Variants in PTPRM observed in about 807,000 individuals in gnomAD.
The protein encoded by PTPRM is receptor-type tyrosine-protein phosphatase mu.
Under a neutral mutation model 186.7 loss-of-function variants are expected in PTPRM, and 47 were observed. The observed-to-expected ratio is 0.25, with a 90% CI of 0.20 to 0.32. The LOEUF is 0.32. PTPRM is among the 10% of genes least tolerant of loss of function. PTPRM has a pLI of 1.00. For synonymous variants in PTPRM, 668 were observed against 674.9 expected, an observed-to-expected ratio of 0.99 and a Z score of 0.16; for missense variants, 1,494 against 1,865.0, an observed-to-expected ratio of 0.80 and a Z score of 3.66.
chr18:7,819,460 G>A (rs1026928439), intron 2 of PTPRM, among the ~76,000 whole-genome samples: 7 of 152,342 alleles, frequency 4.6e-5, no homozygotes, highest in South Asian at 2.1e-4. Context: ...GTGGAATGAC[G>A]CAGAATTTGG....
chr18:8,106,933 G>A (rs1358652167), intron 11 of PTPRM, among the ~76,000 whole-genome samples: 1 of 152,120 alleles, frequency 6.6e-6, no homozygotes, highest in Non-Finnish European at 1.5e-5. Context: ...CAGCCCATCT[G>A]GCCCAAAGCA....
At chr18:8,267,164 T>G (rs2094711038) in intron 19 of PTPRM, among the ~76,000 whole-genome samples, 1 of 152,172 alleles carries the variant, frequency 6.6e-6, no homozygotes, top group Non-Finnish European at 1.5e-5. Flanking sequence ...CCTTGCCAAT[T>G]TTATGGCCAA....
intron 23 of PTPRM, among the ~76,000 whole-genome samples, chr18:8,360,584 G>C (rs1401923366): frequency 6.6e-6 from 1 of 152,188 alleles, no homozygotes; most frequent in African/African-American, 2.4e-5. Context: ...AGGAAGCAGA[G>C]GTGAGTTAGC....
intron 23 of PTPRM, among the ~76,000 whole-genome samples, chr18:8,344,429 T>C: frequency 5.7e-5 from 1 of 17,480 alleles, no homozygotes. Flanking sequence ...GAGATATATA[T>C]ATGTGTGTGT....
At chr18:8,277,012 C>T (rs1267128504) in intron 19 of PTPRM, among the ~76,000 whole-genome samples, 2 of 151,762 alleles carry the variant, frequency 1.3e-5, no homozygotes, top group African/African-American at 4.8e-5. Flanking sequence ...CAGAGTTTCA[C>T]TGCAACCTCC....
intron 14 of PTPRM, among the ~76,000 whole-genome samples, chr18:8,234,660 C>G (rs1022127706): frequency 6.6e-6 from 1 of 152,070 alleles, no homozygotes; most frequent in Non-Finnish European, 1.5e-5. Flanking sequence ...GGCCTTGATC[C>G]TGGTATTTGT....
chr18:8,261,008 G>A (rs2094625510), intron 19 of PTPRM, among the ~76,000 whole-genome samples: 2 of 152,194 alleles, frequency 1.3e-5, no homozygotes, highest in Admixed American at 1.3e-4. Context: ...GTGTTACTCA[G>A]CTGACAGAAC....
intron 1 of PTPRM, among the ~76,000 whole-genome samples, chr18:7,652,933 C>T (rs1171305243): frequency 6.6e-6 from 1 of 151,918 alleles, no homozygotes; most frequent in Non-Finnish European, 1.5e-5. Context: ...AAAAAGGGTT[C>T]ATGCCCCAAA....
rs570861286 is a variant in PTPRM at position 8,276,522 on chromosome 18, G to T, written c.2755-19846G>T. On this transcript the variant is annotated intron_variant, in intron 19 of 32. Transcript: ENST00000580170. ...AATCAATATTTTTATCCTAACAGCA[G>T]TTGATGTTATTGACCATCAACTGTG... Among the ~76,000 whole-genome samples the T allele has an allele frequency of 9.9e-4, 151 of 152,302 alleles. 1 individual carries two copies. Among genetic ancestry groups the T allele is most frequent in the African/African-American group, 3.4e-3 (141 of 41,570 alleles).
At chr18:7,884,287 G>A (rs1301578629) in intron 2 of PTPRM, among the ~76,000 whole-genome samples, 1 of 152,172 alleles carries the variant, frequency 6.6e-6, no homozygotes. Flanking sequence ...ATGCATTCGT[G>A]GTTAATTATG....
chr18:7,871,956 A>G (rs921050490), intron 2 of PTPRM, among the ~76,000 whole-genome samples: 1 of 152,244 alleles, frequency 6.6e-6, no homozygotes, highest in Non-Finnish European at 1.5e-5. Flanking sequence ...ATAAAGAAGA[A>G]AAAATTAAAG....
At chr18:7,607,716 G>A (rs1337116832) in intron 1 of PTPRM, among the ~76,000 whole-genome samples, 1 of 152,246 alleles carries the variant, frequency 6.6e-6, no homozygotes, top group Non-Finnish European at 1.5e-5. Flanking sequence ...GTGCTAGGCT[G>A]CTGAGTGCTA....
At chr18:7,761,075 G>A (rs983320743) in intron 1 of PTPRM, among the ~76,000 whole-genome samples, 1 of 152,284 alleles carries the variant, frequency 6.6e-6, no homozygotes, top group Admixed American at 6.5e-5. Context: ...CGTCCCAGCT[G>A]TGTTGACCTT....
intron 7 of PTPRM, among the ~76,000 whole-genome samples, chr18:8,045,767 A>G (rs1265078674): frequency 6.6e-6 from 1 of 152,230 alleles, no homozygotes. Flanking sequence ...AGGTCTGTGA[A>G]TGTACTAAAA....
chr18:7,998,332 T>A (rs374535732), intron 7 of PTPRM, among the ~76,000 whole-genome samples: 6 of 152,142 alleles, frequency 3.9e-5, no homozygotes, highest in African/African-American at 1.2e-4. Flanking sequence ...AAAAAGTTGA[T>A]CTCATGGAGT....
At chr18:7,584,569 T>A (rs1053351261) in intron 1 of PTPRM, among the ~76,000 whole-genome samples, 5 of 133,376 alleles carry the variant, frequency 3.7e-5, no homozygotes, top group Non-Finnish European at 6.6e-5. Flanking sequence ...TGTGTTGGCA[T>A]TTTTTTTTTT....
chr18:7,609,559 A>G (rs1042609955), intron 1 of PTPRM, among the ~76,000 whole-genome samples: 8 of 151,596 alleles, frequency 5.3e-5, no homozygotes, highest in South Asian at 2.1e-4. Flanking sequence ...CCTGTCTTCA[A>G]ACAATTTTGT....
chr18:8,155,740 A>G (rs1476622555), intron 14 of PTPRM, among the ~76,000 whole-genome samples: 1 of 152,214 alleles, frequency 6.6e-6, no homozygotes, highest in Non-Finnish European at 1.5e-5. Context: ...ATGCAGCCGG[A>G]GGCAAGTTGA....
intron 20 of PTPRM, among the ~76,000 whole-genome samples, chr18:8,308,673 C>G (rs1451998134): frequency 6.6e-6 from 1 of 152,232 alleles, no homozygotes; most frequent in South Asian, 2.1e-4. Context: ...TAACAGATAC[C>G]CTATTAGACA....
Sources: allele counts gnomAD v4.1 joint callset (sites outside exome capture counted in the v4.1 genomes callset), GRCh38; gene constraint gnomAD v4.1.1; transcripts MANE v1.5; gene names NCBI Gene and HGNC (gene_info 2026-07-23, HGNC 2026-07-21).